The following ALK variants were observed in gnomAD, a reference collection of about 807,000 sequenced individuals.
ALK encodes the protein ALK receptor tyrosine kinase, also known as ALK tyrosine kinase receptor.
ALK carries 74 observed loss-of-function variants against 163.1 expected under a neutral mutation model. The ratio of observed to expected loss-of-function variants is 0.45; its 90% confidence interval spans 0.38 to 0.55. The LOEUF (loss-of-function observed/expected upper bound fraction) is 0.55, where lower values mean the gene tolerates loss of function less well. Among genes scored for constraint, ALK ranks in the 20% least tolerant of loss-of-function variants. The pLI is 0.00. For missense variants in ALK, 2,063 were observed against 2,105.3 expected, an observed-to-expected ratio of 0.98 and a Z score of 0.39; for synonymous variants, 960 against 843.2, an observed-to-expected ratio of 1.14 and a Z score of -2.40.
intron 1 of ALK, among the ~76,000 whole-genome samples, chr2:29,795,449 G>GA (rs1328710459): frequency 6.6e-6 from 1 of 151,932 alleles, no homozygotes; most frequent in African/African-American, 2.4e-5. Flanking sequence ...CCTATTTTTT[G>GA]ACCCAGTAAT....
chr2:29,243,587 T>C (rs1043632416), intron 12 of ALK, among the ~76,000 whole-genome samples: 18 of 152,142 alleles, frequency 1.2e-4, no homozygotes, highest in African/African-American at 4.3e-4. Context: ...AACCAGGGCA[T>C]GGCCAAGGGG....
chr2:29,540,112 T>A (rs1673373091), intron 3 of ALK, among the ~76,000 whole-genome samples: 1 of 152,190 alleles, frequency 6.6e-6, no homozygotes, highest in Non-Finnish European at 1.5e-5. Context: ...TATTTTCAAA[T>A]ATGATCAGAC....
At chr2:29,232,160 C>T in intron 15 of ALK, 144 bp downstream of exon 15, 2 of 1,212,366 alleles carry the variant, frequency 1.6e-6, no homozygotes, top group East Asian at 2.4e-5. Context: ...CCTGCCCTCC[C>T]TCCCTGGATA....
At position 29,531,835 on chromosome 2, in the gene ALK, T is replaced by A. The variant is rs1033114347; in HGVS notation, c.1154+80A>T. 2.1e-6 allele frequency: 3 copies of A among 1,401,214 alleles called. No homozygotes were observed. In the African/African-American group the frequency reaches 4.2e-5, roughly 20 times the overall value. 86.8% of individuals were successfully genotyped at this position (1,401,214 alleles called of 1,614,324 possible). On this transcript the variant is annotated intron_variant, in intron 4 of 28. Transcript: ENST00000389048. ...GGACAATCATGAGTTTGTAAGTAGA[T>A]GTCACAGACTCTGGAAATGTGTAAC... is the stretch of plus-strand genomic sequence containing the variant.
chr2:29,892,686 C>T (rs1034868996), intron 1 of ALK, among the ~76,000 whole-genome samples: 1 of 152,326 alleles, frequency 6.6e-6, no homozygotes, highest in East Asian at 1.9e-4. Context: ...TAAGACTTGA[C>T]ACCATGACCA....
intron 4 of ALK, among the ~76,000 whole-genome samples, chr2:29,502,079 C>T (rs535633959): frequency 4.6e-5 from 7 of 152,296 alleles, no homozygotes; most frequent in African/African-American, 1.4e-4. Flanking sequence ...TGGACACTTA[C>T]CATTTAACAA....
chr2:29,861,026 G>A (rs549270131), intron 1 of ALK, among the ~76,000 whole-genome samples: 1 of 152,188 alleles, frequency 6.6e-6, no homozygotes, highest in South Asian at 2.1e-4. Context: ...AAAAAAAGTG[G>A]TTGGGTATGG....
chr2:29,552,595 TAATG>T (rs1473423823), intron 3 of ALK, among the ~76,000 whole-genome samples: 4 of 152,220 alleles, frequency 2.6e-5, no homozygotes, highest in Non-Finnish European at 5.9e-5. Flanking sequence ...TGCATTTCCC[TAATG>T]ACTAATGATG....
chr2:29,443,179 T>C (rs897958879), intron 4 of ALK, among the ~76,000 whole-genome samples: 40 of 152,202 alleles, frequency 2.6e-4, no homozygotes, highest in Admixed American at 1.6e-3. Context: ...GTGTCACAGG[T>C]TACTTAAGGG....
rs149544557 is a variant in ALK at position 29,636,337 on chromosome 2, GAAAGAAAAGAAAAGAAAAGA to G, written c.952+58493_952+58512del. Among the ~76,000 whole-genome samples, 25 of 147,828 alleles carry G rather than the reference GAAAGAAAAGAAAAGAAAAGA, an allele frequency of 1.7e-4. No homozygotes were observed. In the South Asian group the frequency reaches 1.7e-3, roughly 10 times the overall value. On this transcript the variant is annotated intron_variant, in intron 3 of 28. Transcript: ENST00000389048. ...CATCCAGAGGCCAAAAATAAAGAAA[GAAAGAAAAGAAAAGAAAAGA>G]AAAGAAAAGAAAAGAAAAGAAAAGA... is the stretch of plus-strand genomic sequence containing the variant.
At chr2:29,422,138 T>C (rs1445691027) in intron 4 of ALK, among the ~76,000 whole-genome samples, 1 of 151,388 alleles carries the variant, frequency 6.6e-6, no homozygotes, top group Non-Finnish European at 1.5e-5. Flanking sequence ...TTTTGGAGCT[T>C]GTAGGTAAGG....
At chr2:29,683,408 A>G (rs1678134902) in intron 3 of ALK, among the ~76,000 whole-genome samples, 1 of 152,058 alleles carries the variant, frequency 6.6e-6, no homozygotes, top group African/African-American at 2.4e-5. Context: ...AACAAAAACA[A>G]AAACAAAAAA....
At chr2:29,812,107 G>A (rs1346402402) in intron 1 of ALK, among the ~76,000 whole-genome samples, 1 of 152,158 alleles carries the variant, frequency 6.6e-6, no homozygotes, top group African/African-American at 2.4e-5. Context: ...ACAAGTATGA[G>A]ACACAAAAGG....
chr2:29,801,217 G>C (rs1389785945), intron 1 of ALK, among the ~76,000 whole-genome samples: 3 of 151,964 alleles, frequency 2.0e-5, no homozygotes, highest in Non-Finnish European at 2.9e-5. Flanking sequence ...ACCAAGAGTA[G>C]GCGAAGAAAA....
intron 23 of ALK, among the ~76,000 whole-genome samples, chr2:29,216,067 T>C (rs965549143): frequency 3.4e-4 from 52 of 152,162 alleles, no homozygotes; most frequent in Non-Finnish European, 6.8e-4. Context: ...GGGGTACCTC[T>C]GCACAGGCGG....
rs76245216 is a variant in ALK at position 29,393,154 on chromosome 2, G to T, written c.1155-9295C>A. 4.7e-3 allele frequency among the ~76,000 whole-genome samples: 711 copies of T among 152,276 alleles called. 9 individuals are homozygous for T. Among genetic ancestry groups the T allele is most frequent in the African/African-American group, 0.017 (687 of 41,562 alleles). ...TGAGTTCCACACCCACTGAGAGTCA[G>T]TTATGCTTATTCTGTCAGACTCGGA... is the stretch of plus-strand genomic sequence containing the variant. On this transcript the variant is annotated intron_variant, in intron 4 of 28. Coordinates refer to ENST00000389048, the MANE Select transcript of ALK (RefSeq NM_004304.5).
At chr2:29,915,155 C>G (rs1667801257) in intron 1 of ALK, among the ~76,000 whole-genome samples, 1 of 152,166 alleles carries the variant, frequency 6.6e-6, no homozygotes, top group Non-Finnish European at 1.5e-5. Flanking sequence ...TCCTGAGTGG[C>G]AGGGCACTGA....
rs143773532 is a variant in ALK at position 29,505,230 on chromosome 2, C to A, written c.1154+26685G>T. Among the ~76,000 whole-genome samples, 64 of 152,164 alleles carry A rather than the reference C, an allele frequency of 4.2e-4. 1 individual carries two copies. In the East Asian group the frequency reaches 0.011, roughly 27 times the overall value. On this transcript the variant is annotated intron_variant, in intron 4 of 28. Coordinates refer to ENST00000389048, the MANE Select transcript of ALK (RefSeq NM_004304.5). ...GTGAATTCTCTACTGGGTGGGACAC[C>A]CTGATGGGTTGCCTGGGAGCCACAC...
intron 4 of ALK, among the ~76,000 whole-genome samples, chr2:29,421,821 C>A (rs1424842966): frequency 6.6e-6 from 1 of 151,580 alleles, no homozygotes; most frequent in Non-Finnish European, 1.5e-5. Context: ...TAAAGAAGAA[C>A]CCTTGAATTT....
Sources: allele counts gnomAD v4.1 joint callset (sites outside exome capture counted in the v4.1 genomes callset), GRCh38; gene constraint gnomAD v4.1.1; transcripts MANE v1.5; gene names NCBI Gene and HGNC (gene_info 2026-07-23, HGNC 2026-07-21).